The following DNAJC11 variants were observed in gnomAD, a reference collection of about 807,000 sequenced individuals.
DNAJC11 encodes dnaJ homolog subfamily C member 11.
In DNAJC11, 15 loss-of-function variants were observed where a neutral mutation model predicts 78.6. The observed-to-expected ratio is 0.19, with a 90% CI of 0.13 to 0.29. The LOEUF (loss-of-function observed/expected upper bound fraction) is 0.29. Among genes scored for constraint, DNAJC11 ranks in the 10% least tolerant of loss-of-function variants. The pLI is 1.00. For missense variants in DNAJC11, 547 were observed against 709.6 expected (o/e 0.77, Z 2.60); for synonymous variants, 292 against 272.1 (o/e 1.07, Z -0.72).
Position 6,645,653 on chromosome 1 carries a change from G to T in DNAJC11, c.894+136C>A. ...GGTCACTCGAGTGTGAGCACCGAGA[G>T]CCTGCCCCTCAGGGCCCTGTATGGG... On this transcript the variant is annotated intron_variant, in intron 8 of 15. Coordinates refer to ENST00000377577, the MANE Select transcript of DNAJC11 (RefSeq NM_018198.4). The surrounding 1 kb of genome is among the most constrained non-coding windows in gnomAD (Gnocchi z 4.1). 1 of 1,000,290 alleles carries T rather than the reference G, an allele frequency of 1.0e-6. No individual in the cohort carries two copies. The highest frequency in any genetic ancestry group is 1.5e-6 in the Non-Finnish European group (1 of 679,264). 62.0% of individuals were successfully genotyped at this position (1,000,290 alleles called of 1,614,324 possible).
rs1290967061 is a variant in DNAJC11 at position 6,667,807 on chromosome 1, C to T, written c.280G>A (p.Val94Met). Residue 94 changes from valine (V) to methionine (M), a missense_variant, in exon 4 of 16, where the codon GTG (valine) becomes ATG (methionine). Transcript: ENST00000377577. ...RGLEMEGWEV[V>M]ERRRTPAEIR... is the part of the protein sequence containing the mutation. The stretch of plus-strand genomic sequence containing the variant: ...TCAGCAGGGGTTCTCCTCCTTTCCA[C>T]AACCTATGCACAGAATCAAGATGGG... 6.2e-7 allele frequency: 1 copy of T among 1,613,716 alleles called. No homozygotes were observed. Among genetic ancestry groups the T allele is most frequent in the Non-Finnish European group, 8.5e-7 (1 of 1,179,956 alleles).
At chr1:6,654,075 G>A (rs1233816363) in intron 4 of DNAJC11, 36 bp from the exon 5 acceptor site, 2 of 1,605,058 alleles carry the variant, frequency 1.2e-6, no homozygotes, top group Non-Finnish European at 1.7e-6. Flanking sequence ...CAGAACGGGT[G>A]GTATTTGTGG....
chr1:6,678,267 C>A, intron 3 of DNAJC11, 127 bp downstream of exon 3: 1 of 1,022,288 alleles, frequency 9.8e-7, no homozygotes. Context: ...AAATACAGGG[C>A]AAGGAAGGGG....
chr1:6,689,258 C>T (rs183465730), intron 1 of DNAJC11, among the ~76,000 whole-genome samples: 34 of 152,266 alleles, frequency 2.2e-4, no homozygotes, highest in East Asian at 1.9e-4. Flanking sequence ...TGAGGTTGTG[C>T]GGCCAGCAGC....
chr1:6,651,602 A>G lies in DNAJC11; in HGVS notation c.631T>C (p.Leu211=). 1 of 1,613,760 alleles carries G rather than the reference A, an allele frequency of 6.2e-7. No individual in the cohort carries two copies. The highest frequency in any genetic ancestry group is 8.5e-7 in the Non-Finnish European group (1 of 1,179,754). The part of the protein sequence containing the change: ...RVTSAKGWGE[L]EFGAGDLQGP... The stretch of plus-strand genomic sequence containing the variant: ...TGTAGGTCTCCAGCTCCAAATTCCA[A>G]CTGTTTGAAAAGGAAAAAGAGAAGG... Residue 211 remains leucine (L), a splice_region_variant and synonymous_variant, in exon 7 of 16, where the codon TTG becomes CTG. Transcript: ENST00000377577.
chr1:6,659,265 A>C (rs1642172606), intron 4 of DNAJC11, among the ~76,000 whole-genome samples: 1 of 150,476 alleles, frequency 6.6e-6, no homozygotes, highest in South Asian at 2.1e-4. Flanking sequence ...ACTCCTACTA[A>C]TGTCTTCTCT....
rs1641816787 is a variant in DNAJC11 at position 6,638,230 on chromosome 1, C to G, written c.1323+65G>C. ...AGTCTGACCTCTAAGGCCCTGAGAC[C>G]AACATGTGGGGTGTGGAGTGTGTCC... On this transcript the variant is annotated intron_variant, in intron 12 of 15. Transcript: ENST00000377577. The G allele has an allele frequency of 2.6e-6, 4 of 1,514,962 alleles. No homozygotes were observed. The African/African-American group carries it at 4.2e-5, about 16-fold the overall frequency. 93.8% of individuals were successfully genotyped at this position (1,514,962 alleles called of 1,614,324 possible).
rs770896848 is a variant in DNAJC11 at position 6,637,473 on chromosome 1, A to G, written c.1355T>C (p.Ile452Thr). The change falls in exon 13 of 16, where the codon ATA becomes ACA. Residue 452 changes from isoleucine (I) to threonine (T), a missense_variant. Coordinates refer to ENST00000377577, the MANE Select transcript of DNAJC11 (RefSeq NM_018198.4). ...CATTCTGGACTCTTCTGCCTCAATTATCCTTCGGACAGATTCCTGCATCAG... is the reference window on the plus strand; with the variant it reads ...CATTCTGGACTCTTCTGCCTCAATTGTCCTTCGGACAGATTCCTGCATCAG... ...VRLMQESVRR[I>T]IEAEESRMGL... is the part of the protein sequence containing the mutation. 1 of 1,614,152 alleles carries G rather than the reference A, an allele frequency of 6.2e-7. No homozygotes were observed. Among genetic ancestry groups the G allele is most frequent in the Non-Finnish European group, 8.5e-7 (1 of 1,180,036 alleles).
At chr1:6,664,530 G>A (rs532252070) in intron 4 of DNAJC11, among the ~76,000 whole-genome samples, 6 of 152,178 alleles carry the variant, frequency 3.9e-5, no homozygotes, top group East Asian at 1.9e-4. Flanking sequence ...GAGCCACTGC[G>A]CCCGGCCTCA....
chr1:6,644,533 C>T (rs747751740), intron 10 of DNAJC11, 25 bp downstream of exon 10: 2 of 1,530,898 alleles, frequency 1.3e-6, no homozygotes, highest in East Asian at 2.2e-5. Context: ...CATTCCTTGA[C>T]CCGAAAGGCC....
chr1:6,645,830 C>T lies in DNAJC11; in HGVS notation c.853G>A (p.Val285Ile), dbSNP rs764661996. 17 of 1,614,032 alleles carry T rather than the reference C, an allele frequency of 1.1e-5. No homozygotes were observed. Among genetic ancestry groups the T allele is most frequent in the African/African-American group, 2.7e-5 (2 of 74,912 alleles). Residue 285 changes from valine to isoleucine, a missense_variant, in exon 8 of 16, where the codon GTC becomes ATC. Coordinates refer to ENST00000377577, the MANE Select transcript of DNAJC11 (RefSeq NM_018198.4). This position sits in a 1 kb window ranked among gnomAD's most constrained non-coding sequence, Gnocchi z 4.1. The part of the protein sequence containing the change: ...GIQSAMNTSI[V>I]RDTKTSHFTV... The stretch of plus-strand genomic sequence containing the variant: ...AAGTGGCTGGTTTTAGTGTCTCGGA[C>T]GATGCTAGTGTTCATGGCTGACTGG...
chr1:6,636,071 G>T, intron 15 of DNAJC11, 46 bp downstream of exon 15: 1 of 1,585,654 alleles, frequency 6.3e-7, no homozygotes, highest in Non-Finnish European at 8.6e-7. Flanking sequence ...CCGCTTCGAG[G>T]TCCCCGCCCC....
At chr1:6,671,409 AT>A (rs1309380180) in intron 3 of DNAJC11, among the ~76,000 whole-genome samples, 1 of 150,178 alleles carries the variant, frequency 6.7e-6, no homozygotes, top group Non-Finnish European at 1.5e-5. Flanking sequence ...CGCCCGGCTA[AT>A]TTTTTTTAGT....
intron 4 of DNAJC11, among the ~76,000 whole-genome samples, chr1:6,664,961 C>T (rs1056159596): frequency 2.6e-5 from 4 of 152,180 alleles, no homozygotes; most frequent in African/African-American, 7.2e-5. Context: ...TATGCACCCG[C>T]GTTTCAGGCG....
intron 3 of DNAJC11, among the ~76,000 whole-genome samples, chr1:6,675,639 T>C (rs982785994): frequency 6.6e-6 from 1 of 152,152 alleles, no homozygotes; most frequent in African/African-American, 2.4e-5. Flanking sequence ...CTCCAGCTGG[T>C]CTCGAACTCC....
chr1:6,667,875 G>C, intron 3 of DNAJC11, 65 bp from the exon 4 acceptor site: 1 of 1,472,708 alleles, frequency 6.8e-7, no homozygotes, highest in Non-Finnish European at 9.5e-7. Context: ...CGTACACAAA[G>C]AGCTGCAGCC....
chr1:6,698,973 C>T (rs954739975), intron 1 of DNAJC11, among the ~76,000 whole-genome samples: 4 of 148,890 alleles, frequency 2.7e-5, no homozygotes, highest in Non-Finnish European at 4.4e-5. Context: ...ATATTTATAT[C>T]TATGTTTTTA....
intron 3 of DNAJC11, among the ~76,000 whole-genome samples, chr1:6,672,941 C>G (rs964788363): frequency 6.6e-6 from 1 of 152,050 alleles, no homozygotes; most frequent in South Asian, 2.1e-4. Context: ...CTATGCTAAC[C>G]AGAAAACTGA....
chr1:6,657,865 T>C (rs1011015497), intron 4 of DNAJC11, among the ~76,000 whole-genome samples: 5 of 152,250 alleles, frequency 3.3e-5, no homozygotes, highest in Non-Finnish European at 4.4e-5. Flanking sequence ...CAGGATGGTC[T>C]CGATCTCCTG....
Sources: allele counts gnomAD v4.1 joint callset (sites outside exome capture counted in the v4.1 genomes callset), GRCh38; gene constraint gnomAD v4.1.1; non-coding constraint Gnocchi (gnomAD v3.1); transcripts MANE v1.5; gene names NCBI Gene and HGNC (gene_info 2026-07-23, HGNC 2026-07-21).